DGKI: variants seen among roughly 807,000 people sequenced by gnomAD.
DGKI encodes diacylglycerol kinase iota, also known as DAG kinase iota.
Under a neutral mutation model 147.5 loss-of-function variants are expected in DGKI, and 55 were observed. That is an observed-to-expected ratio of 0.37 (90% confidence interval 0.30 to 0.47). DGKI has a LOEUF of 0.47. Ranked by LOEUF, DGKI falls within the 20% of genes least tolerant of loss-of-function variation. The probability of loss-of-function intolerance (pLI) is 1.00; values close to 1 mark genes in which losing one functional copy is unlikely to be tolerated. For missense variants in DGKI, 1,007 were observed against 1,323.8 expected (o/e 0.76, Z 3.71); for synonymous variants, 469 against 477.1 (o/e 0.98, Z 0.22).
At chr7:137,839,612 G>T (rs1798489227) in intron 1 of DGKI, among the ~76,000 whole-genome samples, 1 of 152,214 alleles carries the variant, frequency 6.6e-6, no homozygotes, top group Non-Finnish European at 1.5e-5. Context: ...GCACACAGCA[G>T]GCAGAGGTGG....
At chr7:137,829,847 G>C (rs1332985050) in intron 1 of DGKI, among the ~76,000 whole-genome samples, 1 of 152,224 alleles carries the variant, frequency 6.6e-6, no homozygotes, top group Non-Finnish European at 1.5e-5. Context: ...CCAGTTTTTG[G>C]AAGAGTTGGT....
intron 2 of DGKI, among the ~76,000 whole-genome samples, chr7:137,686,724 C>T (rs1361670186): frequency 6.6e-6 from 1 of 152,172 alleles, no homozygotes; most frequent in African/African-American, 2.4e-5. Flanking sequence ...AGTGCAGGTG[C>T]CTATAGTCTA....
At chr7:137,444,163 A>T in intron 27 of DGKI, 61 bp from the exon 28 acceptor site, 1 of 1,024,350 alleles carries the variant, frequency 9.8e-7, no homozygotes, top group Non-Finnish European at 1.4e-6. Flanking sequence ...ATAATCAAGA[A>T]TAATTTCATA....
chr7:137,684,018 C>A (rs564108459), intron 2 of DGKI, among the ~76,000 whole-genome samples: 57 of 152,294 alleles, frequency 3.7e-4, no homozygotes, highest in Admixed American at 1.4e-3. Context: ...AAATACTCCA[C>A]ACAAAATGAA....
Position 137,465,950 on chromosome 7 carries a change from G to T in DGKI, c.2570C>A (p.Thr857Lys). The T allele has an allele frequency of 6.2e-7, 1 of 1,614,166 alleles. No individual in the cohort carries two copies. The change falls in exon 26 of 33, where the codon ACA becomes AAA. Residue 857 changes from threonine (T) to lysine (K), a missense_variant. Transcript: ENST00000614521. ...CACCAGGTCAGGCATGCCCGGAGGTGTCCCCGCCGGCTGTGACACCACCAT... is the reference window on the plus strand; with the variant it reads ...CACCAGGTCAGGCATGCCCGGAGGTTTCCCCGCCGGCTGTGACACCACCAT... ...PDMVVSQPAG[T>K]PPGMPDLVVE...
At chr7:137,440,266 T>G (rs1262664240) in intron 28 of DGKI, among the ~76,000 whole-genome samples, 2 of 152,228 alleles carry the variant, frequency 1.3e-5, no homozygotes, top group Non-Finnish European at 2.9e-5. Flanking sequence ...ATGTTTCCAC[T>G]GGGGTTTAGC....
At chr7:137,616,908 T>C (rs538820431) in intron 8 of DGKI, among the ~76,000 whole-genome samples, 5 of 151,910 alleles carry the variant, frequency 3.3e-5, no homozygotes, top group African/African-American at 1.2e-4. Context: ...GAGTGAAAAT[T>C]GGAAAACGAC....
chr7:137,572,318 C>CT (rs1323116457), intron 18 of DGKI, among the ~76,000 whole-genome samples: 1 of 152,216 alleles, frequency 6.6e-6, no homozygotes, highest in Non-Finnish European at 1.5e-5. Flanking sequence ...AAACAATACT[C>CT]TAACTCATCC....
chr7:137,465,833 T>C (rs1409909961), intron 26 of DGKI, 75 bp downstream of exon 26: 3 of 1,536,150 alleles, frequency 2.0e-6, no homozygotes, highest in Middle Eastern at 2.3e-4. Flanking sequence ...ATTAGAACGA[T>C]GTCAAGTTCA....
intron 1 of DGKI, among the ~76,000 whole-genome samples, chr7:137,800,428 T>C (rs1797164850): frequency 2.0e-5 from 3 of 152,034 alleles, no homozygotes; most frequent in Non-Finnish European, 2.9e-5. Flanking sequence ...TGTTTAAAAC[T>C]GTGTGCTACC....
At position 137,465,955 on chromosome 7, in the gene DGKI, C is replaced by T. The variant is rs369035094; in HGVS notation, c.2565G>A (p.Ala855=). 1.4e-5 allele frequency: 22 copies of T among 1,614,026 alleles called. No homozygotes were observed. Among genetic ancestry groups the T allele is most frequent in the South Asian group, 7.7e-5 (7 of 91,080 alleles). The change falls in exon 26 of 33, where the codon GCG becomes GCA. Residue 855 remains alanine (A), a synonymous_variant. Coordinates refer to ENST00000614521, the MANE Select transcript of DGKI (RefSeq NM_001321708.2). ...LDPDMVVSQP[A]GTPPGMPDLV... ...GGTCAGGCATGCCCGGAGGTGTCCCCGCCGGCTGTGACACCACCATATCTG... is the reference window on the plus strand; with the variant it reads ...GGTCAGGCATGCCCGGAGGTGTCCCTGCCGGCTGTGACACCACCATATCTG...
At chr7:137,578,219 G>A (rs1819055322) in intron 16 of DGKI, 51 bp downstream of exon 16, 6 of 1,309,948 alleles carry the variant, frequency 4.6e-6, no homozygotes, top group Non-Finnish European at 6.6e-6. Flanking sequence ...GATACACAGT[G>A]AATTGGCAAT....
At chr7:137,678,817 TA>T (rs1294979832) in intron 2 of DGKI, among the ~76,000 whole-genome samples, 165 bp from the exon 3 acceptor site, 2 of 152,222 alleles carry the variant, frequency 1.3e-5, no homozygotes, top group Non-Finnish European at 2.9e-5. Context: ...CCCGAAATTC[TA>T]AAAAGGGAGA....
rs753195560 is a variant in DGKI, at chr7:137,619,894, G to C, written c.923C>G (p.Pro308Arg). Residue 308 changes from proline to arginine, a missense_variant, in exon 8 of 33, where the codon CCC (proline) becomes CGC (arginine). Pro to Arg is a moderately radical substitution (Grantham distance 103). This residue lies in a region of DGKI where 259 missense variants were observed against 362.5 expected (regional missense o/e 0.71). Coordinates refer to ENST00000614521, the MANE Select transcript of DGKI (RefSeq NM_001321708.2). The stretch of plus-strand genomic sequence containing the variant: ...AGCAGCATGAGCCCCCAGGGAGCAG[G>C]GTTCTTCAATGTGATGCAGCATGAA... ...TCFMLHHIEEPCSLGAHAAVI... is the reference protein window; with the variant it reads ...TCFMLHHIEERCSLGAHAAVI... 1 of 1,613,956 alleles carries C rather than the reference G, an allele frequency of 6.2e-7. No individual in the cohort carries two copies. The highest frequency in any genetic ancestry group is 8.5e-7 in the Non-Finnish European group (1 of 1,179,982).
At chr7:137,588,724 C>A (rs1239492321) in intron 12 of DGKI, among the ~76,000 whole-genome samples, 2 of 152,112 alleles carry the variant, frequency 1.3e-5, no homozygotes, top group African/African-American at 4.8e-5. Context: ...GATCTGCCCA[C>A]CTCGGCCTCC....
chr7:137,838,542 A>G (rs1211753918), intron 1 of DGKI, among the ~76,000 whole-genome samples: 3 of 152,164 alleles, frequency 2.0e-5, no homozygotes, highest in Admixed American at 1.3e-4. Flanking sequence ...TACAAGCCTG[A>G]CATCTTTCTC....
chr7:137,778,315 GGTTCA>G (rs1796419499), intron 1 of DGKI, among the ~76,000 whole-genome samples: 1 of 152,068 alleles, frequency 6.6e-6, no homozygotes, highest in Non-Finnish European at 1.5e-5. Context: ...AATGCCAAAT[GGTTCA>G]ATAAAGCCAG....
intron 1 of DGKI, among the ~76,000 whole-genome samples, chr7:137,821,754 G>A (rs1443695783): frequency 6.6e-6 from 1 of 152,184 alleles, no homozygotes; most frequent in Non-Finnish European, 1.5e-5. Flanking sequence ...AATGCAGGCA[G>A]AGTAGACAAA....
At chr7:137,519,101 G>GA (rs1816876342) in intron 21 of DGKI, among the ~76,000 whole-genome samples, 1 of 152,052 alleles carries the variant, frequency 6.6e-6, no homozygotes, top group African/African-American at 2.4e-5. Flanking sequence ...AGAGCTGAGG[G>GA]AAAGATTGAC....
Sources: gnomAD v4.1 joint callset for allele counts (sites outside exome capture counted in the v4.1 genomes callset) on GRCh38, gnomAD v4.1.1 for gene constraint, gnomAD v4.1.1 regional missense constraint, MANE v1.5 for transcripts, NCBI Gene and HGNC (gene_info 2026-07-23, HGNC 2026-07-21) for gene names.